CCSER1: variants seen among roughly 807,000 people sequenced by gnomAD.
The protein encoded by CCSER1 is coiled-coil serine rich protein 1, also known as serine-rich coiled-coil domain-containing protein 1.
Under a neutral mutation model 82.0 loss-of-function variants are expected in CCSER1, and 41 were observed. That is an observed-to-expected ratio of 0.50 (90% CI 0.39 to 0.65). CCSER1 has a LOEUF of 0.65. Ranked by LOEUF, CCSER1 falls within the 30% of genes least tolerant of loss-of-function variation. The pLI is 0.00. For synonymous variants in CCSER1, 414 were observed against 383.9 expected (o/e 1.08, Z -0.92); for missense variants, 1,119 against 1,064.2 (o/e 1.05, Z -0.72).
intron 9 of CCSER1, among the ~76,000 whole-genome samples, chr4:91,043,648 T>C (rs898971982): frequency 5.1e-5 from 7 of 136,696 alleles, no homozygotes; most frequent in Non-Finnish European, 7.6e-5. Flanking sequence ...TGGAGTGCAG[T>C]GGTGTGATCT....
intron 10 of CCSER1, among the ~76,000 whole-genome samples, chr4:91,581,880 T>G (rs911179457): frequency 1.2e-4 from 18 of 149,700 alleles, no homozygotes; most frequent in Non-Finnish European, 2.1e-4. Context: ...CATTAAAAAA[T>G]GTTCCCTAAG....
intron 10 of CCSER1, among the ~76,000 whole-genome samples, chr4:91,193,369 G>T (rs903674215): frequency 1.3e-5 from 2 of 152,066 alleles, no homozygotes; most frequent in Non-Finnish European, 2.9e-5. Context: ...AATTAACTTT[G>T]TTCCTGTTCA....
At chr4:90,675,425 G>A (rs186134093) in intron 6 of CCSER1, among the ~76,000 whole-genome samples, 75 of 152,014 alleles carry the variant, frequency 4.9e-4, no homozygotes, top group African/African-American at 1.7e-3. Context: ...AGTTATAGCT[G>A]AGTTTATTTT....
At chr4:91,376,002 GT>G (rs1187793614) in intron 10 of CCSER1, among the ~76,000 whole-genome samples, 1 of 152,062 alleles carries the variant, frequency 6.6e-6, no homozygotes, top group African/African-American at 2.4e-5. Flanking sequence ...ATGGATTAAT[GT>G]TTTTATAATC....
intron 3 of CCSER1, among the ~76,000 whole-genome samples, chr4:90,344,785 G>T (rs894288024): frequency 6.6e-6 from 1 of 152,058 alleles, no homozygotes. Context: ...ATACACCTCT[G>T]AATGAATGTA....
chr4:90,289,371 T>G (rs1018450876), intron 1 of CCSER1, among the ~76,000 whole-genome samples: 1 of 151,860 alleles, frequency 6.6e-6, no homozygotes, highest in Non-Finnish European at 1.5e-5. Flanking sequence ...TTCAAAGTTA[T>G]TTTAGTAAAA....
At chr4:91,373,542 A>T (rs1471566037) in intron 10 of CCSER1, among the ~76,000 whole-genome samples, 1 of 152,150 alleles carries the variant, frequency 6.6e-6, no homozygotes, top group Non-Finnish European at 1.5e-5. Context: ...AACTGAATAC[A>T]TAAATGTTCT....
At chr4:91,076,331 GT>G (rs60135071) in intron 9 of CCSER1, among the ~76,000 whole-genome samples, 95,544 of 147,602 alleles carry the variant, frequency 0.65, 31,115 homozygotes, top group East Asian at 0.95. Flanking sequence ...CAACCATGCA[GT>G]TTTTTTTTTT....
chr4:91,062,809 GA>G (rs1411657369), intron 9 of CCSER1, among the ~76,000 whole-genome samples: 1 of 152,038 alleles, frequency 6.6e-6, no homozygotes, highest in African/African-American at 2.4e-5. Context: ...AAGAGAAAAA[GA>G]AAACAATCTA....
chr4:91,142,632 A>G (rs542436601), intron 10 of CCSER1, among the ~76,000 whole-genome samples: 7 of 152,158 alleles, frequency 4.6e-5, no homozygotes, highest in African/African-American at 1.4e-4. Flanking sequence ...CCTAGAGTTA[A>G]TTCTTGTATA....
chr4:90,163,180 C>T (rs942300264), intron 1 of CCSER1, among the ~76,000 whole-genome samples: 1 of 151,876 alleles, frequency 6.6e-6, no homozygotes, highest in Admixed American at 6.6e-5. Context: ...GTTTTTCTGA[C>T]ATTGTTAGTT....
intron 4 of CCSER1, among the ~76,000 whole-genome samples, chr4:90,423,456 T>C (rs1467724553): frequency 6.6e-6 from 1 of 152,008 alleles, no homozygotes; most frequent in Non-Finnish European, 1.5e-5. Flanking sequence ...AATCTCCTGA[T>C]GTCGTGATCT....
At chr4:91,044,335 G>A (rs570722119) in intron 9 of CCSER1, among the ~76,000 whole-genome samples, 1 of 152,310 alleles carries the variant, frequency 6.6e-6, no homozygotes, top group South Asian at 2.1e-4. Flanking sequence ...TCTTTGAATA[G>A]CATAGTAGTC....
At chr4:91,593,984 CTTA>C (rs1327625296) in intron 10 of CCSER1, among the ~76,000 whole-genome samples, 3 of 152,052 alleles carry the variant, frequency 2.0e-5, no homozygotes, top group Non-Finnish European at 2.9e-5. Flanking sequence ...TAACAATGAA[CTTA>C]TTATAATGTG....
intron 4 of CCSER1, among the ~76,000 whole-genome samples, chr4:90,414,246 T>C (rs1368880517): frequency 6.6e-6 from 1 of 151,334 alleles, no homozygotes; most frequent in Non-Finnish European, 1.5e-5. Context: ...TCTAATTTTA[T>C]TGTTTTAAAT....
chr4:90,142,393 C>A (rs570306369), intron 1 of CCSER1, among the ~76,000 whole-genome samples: 161 of 152,282 alleles, frequency 1.1e-3, no homozygotes, highest in African/African-American at 3.7e-3. Flanking sequence ...TGGCACCAGA[C>A]AATTAAGTAC....
intron 6 of CCSER1, among the ~76,000 whole-genome samples, chr4:90,700,485 A>C (rs556922398): frequency 2.0e-5 from 3 of 152,250 alleles, no homozygotes; most frequent in Non-Finnish European, 4.4e-5. Flanking sequence ...ATGATTTATA[A>C]TCCTTTGGGT....
chr4:90,316,811 T>A (rs1274790024), intron 3 of CCSER1, among the ~76,000 whole-genome samples: 1 of 152,176 alleles, frequency 6.6e-6, no homozygotes, highest in Non-Finnish European at 1.5e-5. Flanking sequence ...GGTATTTCAA[T>A]CTGGAAGCGA....
chr4:90,923,416 A>C lies in CCSER1; in HGVS notation c.2141A>C (p.Lys714Thr). ...LQKAFASRVD[K>T]STQTELLCYD... is the part of the protein sequence containing the mutation. ...AAGGCTTTTGCTTCAAGAGTAGATA[A>C]ATCCACACAGACTGAACTACTATGC... Residue 714 changes from lysine (K) to threonine (T), a missense_variant, in exon 9 of 11, where the codon AAA (lysine) becomes ACA (threonine). Coordinates refer to ENST00000509176, the MANE Select transcript of CCSER1 (RefSeq NM_001145065.2). 6.4e-7 allele frequency: 1 copy of C among 1,551,448 alleles called. No homozygotes were observed. The highest frequency in any genetic ancestry group is 8.7e-7 in the Non-Finnish European group (1 of 1,146,796).
Sources: gnomAD v4.1 joint callset for allele counts (sites outside exome capture counted in the v4.1 genomes callset) on GRCh38, gnomAD v4.1.1 for gene constraint, MANE v1.5 for transcripts, NCBI Gene and HGNC (gene_info 2026-07-23, HGNC 2026-07-21) for gene names.